The following GRIK4 variants were observed in gnomAD, a reference collection of about 807,000 sequenced individuals.
The protein encoded by GRIK4 is glutamate ionotropic receptor kainate type subunit 4.
Under a neutral mutation model 104.9 loss-of-function variants are expected in GRIK4, and 40 were observed. That is an observed-to-expected ratio of 0.38 (90% CI 0.30 to 0.50). The LOEUF (loss-of-function observed/expected upper bound fraction) is 0.50. GRIK4 is among the 20% of genes least tolerant of loss of function. The pLI is 0.93. For synonymous variants in GRIK4, 485 were observed against 524.9 expected (o/e 0.92, Z 1.04); for missense variants, 1,047 against 1,308.1 (o/e 0.80, Z 3.08).
intron 1 of GRIK4, among the ~76,000 whole-genome samples, chr11:120,623,546 A>T (rs535609995): frequency 1.3e-5 from 2 of 152,198 alleles, no homozygotes; most frequent in East Asian, 3.9e-4. Context: ...CCTCCAAGTC[A>T]CCCTGATTTC....
At chr11:120,612,003 G>T (rs1375648008) in intron 1 of GRIK4, among the ~76,000 whole-genome samples, 1 of 152,158 alleles carries the variant, frequency 6.6e-6, no homozygotes, top group Non-Finnish European at 1.5e-5. Context: ...TTACCTCCTT[G>T]CAGGGCCGAT....
intron 3 of GRIK4, among the ~76,000 whole-genome samples, chr11:120,782,777 C>G (rs984440694): frequency 6.6e-6 from 1 of 152,068 alleles, no homozygotes; most frequent in Non-Finnish European, 1.5e-5. Context: ...TGAAAAGGGT[C>G]CACGCCGGTG....
Position 120,962,493 on chromosome 11 carries a change from A to C in GRIK4, c.2078A>C (p.Tyr693Ser). Residue 693 changes from tyrosine (Y) to serine (S), a missense_variant, in exon 18 of 21, where the codon TAC becomes TCC. Physicochemically the swap from Tyr to Ser is moderately radical, Grantham distance 144. This residue lies in a region of GRIK4 where 440 missense variants were observed against 652.3 expected (regional missense o/e 0.67). Coordinates refer to ENST00000527524, the MANE Select transcript of GRIK4 (RefSeq NM_014619.5). Reference protein sequence around the residue: ...RYQTYQRMWNYMYSKQPSVFV... With the variant: ...RYQTYQRMWNSMYSKQPSVFV... ...CAGACCTACCAACGCATGTGGAATT[A>C]CATGTATTCCAAGCAGCCCAGCGTG... is the stretch of plus-strand genomic sequence containing the variant. 1 of 1,613,562 alleles carries C rather than the reference A, an allele frequency of 6.2e-7. No individual in the cohort carries two copies. Among genetic ancestry groups the C allele is most frequent in the African/African-American group, 1.3e-5 (1 of 75,014 alleles).
intron 1 of GRIK4, among the ~76,000 whole-genome samples, chr11:120,547,223 C>T (rs912981180): frequency 1.7e-4 from 26 of 152,338 alleles, no homozygotes; most frequent in South Asian, 8.3e-4. Flanking sequence ...GACACACTCA[C>T]CCTTCTCTCT....
At position 120,939,844 on chromosome 11, in the gene GRIK4, G is replaced by A. The variant is rs1034146022; in HGVS notation, c.1477-503G>A. Among the ~76,000 whole-genome samples the A allele has an allele frequency of 6.6e-6, 1 of 152,170 alleles. No individual in the cohort carries two copies. Among genetic ancestry groups the A allele is most frequent in the Non-Finnish European group, 1.5e-5 (1 of 68,022 alleles). ...AAATTACAAAAATAAGCCAGGCATG[G>A]TGGCCCACGCCTGTAGTTCCAGCTA... On this transcript the variant is annotated intron_variant, in intron 13 of 20. Coordinates refer to ENST00000527524, the MANE Select transcript of GRIK4 (RefSeq NM_014619.5). The surrounding 1 kb of genome is among the most constrained non-coding windows in gnomAD (Gnocchi z 5.6).
intron 3 of GRIK4, among the ~76,000 whole-genome samples, chr11:120,676,870 T>C (rs1375520437): frequency 6.6e-6 from 1 of 152,190 alleles, no homozygotes; most frequent in Non-Finnish European, 1.5e-5. Context: ...TGGGGGCCAT[T>C]ATTCTTTCTA....
chr11:120,652,484 C>G (rs1361460714), intron 1 of GRIK4, among the ~76,000 whole-genome samples: 1 of 152,200 alleles, frequency 6.6e-6, no homozygotes, highest in African/African-American at 2.4e-5. Flanking sequence ...GAGGCTGGAG[C>G]AGACTCACTC....
chr11:120,655,414 G>A (rs1949691504), intron 2 of GRIK4, among the ~76,000 whole-genome samples: 1 of 152,272 alleles, frequency 6.6e-6, no homozygotes, highest in South Asian at 2.1e-4. Flanking sequence ...GGTAGGGACA[G>A]GTGAGCAAAG....
chr11:120,878,563 A>G (rs1312945896), intron 11 of GRIK4, among the ~76,000 whole-genome samples: 1 of 151,658 alleles, frequency 6.6e-6, no homozygotes, highest in Non-Finnish European at 1.5e-5. Context: ...AGGGACACAT[A>G]CTCTTGATTG....
At chr11:120,807,304 A>G (rs1952732092) in intron 4 of GRIK4, among the ~76,000 whole-genome samples, 1 of 151,392 alleles carries the variant, frequency 6.6e-6, no homozygotes, top group South Asian at 2.1e-4. Flanking sequence ...TACCATTCAA[A>G]CAACCTGAGG....
chr11:120,738,708 G>T (rs913961385), intron 3 of GRIK4, among the ~76,000 whole-genome samples: 2 of 152,222 alleles, frequency 1.3e-5, no homozygotes, highest in African/African-American at 4.8e-5. Context: ...CAACTGCTGA[G>T]ACAGGATGCC....
Position 120,871,403 on chromosome 11 carries a change from G to A in GRIK4, c.907-2663G>A, listed in dbSNP as rs1592014177. The A allele has an allele frequency of 2.0e-5, 7 of 352,160 alleles. No individual in the cohort carries two copies. In the East Asian group the frequency reaches 5.2e-4, roughly 26 times the overall value. 21.8% of individuals were successfully genotyped at this position (352,160 alleles called of 1,614,324 possible). On this transcript the variant is annotated intron_variant, in intron 9 of 20. Transcript: ENST00000527524. ...TACCATGCAGGGCGAATCAAATGAA[G>A]AAGGAGCTGAGGGCAAAGGGGAAGA...
At chr11:120,931,777 C>T (rs1262726693) in intron 13 of GRIK4, among the ~76,000 whole-genome samples, 1 of 152,146 alleles carries the variant, frequency 6.6e-6, no homozygotes, top group Non-Finnish European at 1.5e-5. Context: ...ATTACAAGTC[C>T]AATACTGTAG....
intron 1 of GRIK4, among the ~76,000 whole-genome samples, chr11:120,544,722 G>C (rs1028861313): frequency 6.6e-6 from 1 of 152,186 alleles, no homozygotes; most frequent in African/African-American, 2.4e-5. Context: ...TTACCACGGG[G>C]ACATGGAAAG....
At chr11:120,637,083 C>T (rs527378249) in intron 1 of GRIK4, among the ~76,000 whole-genome samples, 3 of 149,286 alleles carry the variant, frequency 2.0e-5, no homozygotes, top group South Asian at 2.1e-4. Flanking sequence ...AGGGAAGAGT[C>T]GTGAAGAATA....
chr11:120,660,003 A>T (rs1021176385), intron 2 of GRIK4, among the ~76,000 whole-genome samples: 1 of 152,166 alleles, frequency 6.6e-6, no homozygotes, highest in African/African-American at 2.4e-5. Context: ...AAGTGCTGGG[A>T]TTACAGGCGT....
At chr11:120,682,238 G>T (rs555819328) in intron 3 of GRIK4, among the ~76,000 whole-genome samples, 3 of 152,228 alleles carry the variant, frequency 2.0e-5, no homozygotes, top group African/African-American at 7.2e-5. Flanking sequence ...GCATTTGGTG[G>T]TGTCACCTTG....
intron 1 of GRIK4, among the ~76,000 whole-genome samples, chr11:120,609,547 GA>G (rs1210993139): frequency 2.8e-5 from 2 of 70,468 alleles, no homozygotes; most frequent in Non-Finnish European, 5.3e-5. Flanking sequence ...TTTTTTTTGA[GA>G]CAGAGTTTTG....
At chr11:120,766,682 C>T (rs1347345458) in intron 3 of GRIK4, among the ~76,000 whole-genome samples, 1 of 152,096 alleles carries the variant, frequency 6.6e-6, no homozygotes, top group Admixed American at 6.5e-5. Flanking sequence ...CACAGTCCCT[C>T]ATGGCTTCCC....
Sources: allele counts gnomAD v4.1 joint callset (sites outside exome capture counted in the v4.1 genomes callset), GRCh38; gene constraint gnomAD v4.1.1; regional missense constraint gnomAD v4.1.1; non-coding constraint Gnocchi (gnomAD v3.1); transcripts MANE v1.5; gene names NCBI Gene and HGNC (gene_info 2026-07-23, HGNC 2026-07-21).